The following ALDH8A1 variants were observed in gnomAD, a reference collection of about 807,000 sequenced individuals.
The protein encoded by ALDH8A1 is 2-aminomuconic semialdehyde dehydrogenase.
In ALDH8A1, 39 loss-of-function variants were observed where a neutral mutation model predicts 43.3. The observed-to-expected ratio is 0.90, with a 90% CI of 0.70 to 1.18. The LOEUF (loss-of-function observed/expected upper bound fraction) is 1.18. Ranked by LOEUF, ALDH8A1 falls within the 50% of genes most tolerant of loss-of-function variation. The pLI, the probability that ALDH8A1 is intolerant of heterozygous loss-of-function variation, is 0.00. For missense variants in ALDH8A1, 605 were observed against 622.6 expected (o/e 0.97, Z 0.30); for synonymous variants, 233 against 243.5 (o/e 0.96, Z 0.40).
chr6:134,923,352 A>G (rs1340786478), intron 6 of ALDH8A1, among the ~76,000 whole-genome samples: 1 of 152,052 alleles, frequency 6.6e-6, no homozygotes, highest in Non-Finnish European at 1.5e-5. Context: ...AAAAAAAAGA[A>G]AGAAAAATTG....
At chr6:134,921,937 C>T (rs548019156) in intron 6 of ALDH8A1, among the ~76,000 whole-genome samples, 1 of 152,370 alleles carries the variant, frequency 6.6e-6, no homozygotes, top group South Asian at 2.1e-4. Flanking sequence ...TTTCTATTAG[C>T]TCTCTCCCAA....
At chr6:134,930,602 G>T (rs1776968975) in intron 5 of ALDH8A1, among the ~76,000 whole-genome samples, 1 of 152,188 alleles carries the variant, frequency 6.6e-6, no homozygotes, top group South Asian at 2.1e-4. Flanking sequence ...TTAATGTTTT[G>T]AAATAACACA....
rs188914900 is a variant in ALDH8A1 at position 134,949,381 on chromosome 6, T to C, written c.138+535A>G. On this transcript the variant is annotated intron_variant, in intron 1 of 6. Coordinates refer to ENST00000265605, the MANE Select transcript of ALDH8A1 (RefSeq NM_022568.4). ...ACGCTGTTAAATCTAACTCCAAAAA[T>C]ATATGGGAATTTGATTTTGAGTTTC... Among the ~76,000 whole-genome samples, 588 of 152,294 alleles carry C rather than the reference T, an allele frequency of 3.9e-3. 3 individuals are homozygous for C. Among genetic ancestry groups the C allele is most frequent in the African/African-American group, 0.013 (527 of 41,582 alleles).
rs187617576 is a variant in ALDH8A1, at chr6:134,928,656, A to G, written c.1011+398T>C. Among the ~76,000 whole-genome samples the G allele has an allele frequency of 2.7e-3, 418 of 152,324 alleles. 1 individual carries two copies. The highest frequency in any genetic ancestry group is 3.6e-3 in the Non-Finnish European group (242 of 68,032). ...TCCCCCACTGACTAAGGACGACACA[A>G]TTGGGACTGTTTGTGTTGGCACTTC... On this transcript the variant is annotated intron_variant, in intron 6 of 6. Coordinates refer to ENST00000265605, the MANE Select transcript of ALDH8A1 (RefSeq NM_022568.4).
At chr6:134,941,768 C>T (rs922376698) in intron 3 of ALDH8A1, among the ~76,000 whole-genome samples, 5 of 151,998 alleles carry the variant, frequency 3.3e-5, no homozygotes, top group Admixed American at 2.6e-4. Flanking sequence ...GATGATCCTT[C>T]TGCCTCAGCC....
chr6:134,921,000 TA>T (rs1165270979), intron 6 of ALDH8A1, among the ~76,000 whole-genome samples: 2 of 152,216 alleles, frequency 1.3e-5, no homozygotes, highest in African/African-American at 4.8e-5. Context: ...CACTAATTCA[TA>T]GGGCTCTTGA....
At chr6:134,944,060 T>TTTTCG in intron 1 of ALDH8A1, 94 bp from the exon 2 acceptor site, 1 of 1,297,264 alleles carries the variant, frequency 7.7e-7, no homozygotes, top group Non-Finnish European at 1.0e-6. Flanking sequence ...ACACACCTCA[T>TTTTCG]TTTTGTTTTG....
At chr6:134,944,880 C>A (rs7776066) in intron 1 of ALDH8A1, among the ~76,000 whole-genome samples, 4,921 of 150,080 alleles carry the variant, frequency 0.033, 264 homozygotes, top group African/African-American at 0.11. Context: ...CAGAGTAAGA[C>A]CCTGTCTCAA....
intron 6 of ALDH8A1, among the ~76,000 whole-genome samples, chr6:134,922,508 C>T (rs571809450): frequency 1.8e-4 from 27 of 152,180 alleles, no homozygotes; most frequent in Middle Eastern, 6.8e-3. Flanking sequence ...CTGCCTCAGC[C>T]TCCCGAGTAG....
rs576889390 is a variant in ALDH8A1, at chr6:134,928,983, G to A, written c.1011+71C>T. The A allele has an allele frequency of 8.6e-6, 13 of 1,517,078 alleles. No homozygotes were observed. The African/African-American group carries it at 1.1e-4, about 13-fold the overall frequency. 94.0% of individuals were successfully genotyped at this position (1,517,078 alleles called of 1,614,324 possible). ...TAACAATATTTCAGAGTCTGATTGTGCTATGCCTGTACTGAGCTTCTCTTC... is the reference window on the plus strand; with the variant it reads ...TAACAATATTTCAGAGTCTGATTGTACTATGCCTGTACTGAGCTTCTCTTC... On this transcript the variant is annotated intron_variant, in intron 6 of 6. Coordinates refer to ENST00000265605, the MANE Select transcript of ALDH8A1 (RefSeq NM_022568.4).
intron 1 of ALDH8A1, among the ~76,000 whole-genome samples, chr6:134,945,092 ATTATAT>A (rs1278426288): frequency 2.6e-5 from 4 of 151,982 alleles, no homozygotes; most frequent in African/African-American, 9.7e-5. Context: ...GAAATGACTA[ATTATAT>A]TTATAATTTA....
At chr6:134,939,619 C>G (rs1773816383) in intron 3 of ALDH8A1, among the ~76,000 whole-genome samples, 1 of 152,212 alleles carries the variant, frequency 6.6e-6, no homozygotes, top group African/African-American at 2.4e-5. Context: ...TCTTTTAAAA[C>G]AGAGTAAAGT....
At chr6:134,946,788 G>GCATGTGTGCGCGCACA (rs1773959770) in intron 1 of ALDH8A1, among the ~76,000 whole-genome samples, 2 of 148,470 alleles carry the variant, frequency 1.3e-5, no homozygotes, top group East Asian at 1.9e-4. Context: ...GTGCGCGCGC[G>GCATGTGTGCGCGCACA]CACAGGTGCG....
At position 134,929,074 on chromosome 6, in the gene ALDH8A1, T is replaced by C; in HGVS notation, c.991A>G (p.Ser331Gly). 1 of 1,614,040 alleles carries C rather than the reference T, an allele frequency of 6.2e-7. No homozygotes were observed. The highest frequency in any genetic ancestry group is 8.5e-7 in the Non-Finnish European group (1 of 1,180,012). The change falls in exon 6 of 7, where the codon AGT (serine) becomes GGT (glycine). Residue 331 changes from serine (S) to glycine (G), a missense_variant. Transcript: ENST00000265605. ...CTTACTTTCTCCAAATGTGCTTTACTTATCAGAGCACCTATGCTCACCAGT... is the reference window on the plus strand; with the variant it reads ...CTTACTTTCTCCAAATGTGCTTTACCTATCAGAGCACCTATGCTCACCAGT... ...DPLVSIGALI[S>G]KAHLEKVRSY...
intron 1 of ALDH8A1, among the ~76,000 whole-genome samples, chr6:134,945,497 T>C (rs1773934775): frequency 6.6e-6 from 1 of 152,184 alleles, no homozygotes; most frequent in South Asian, 2.1e-4. Context: ...AAATGTTATG[T>C]AGACAAAATA....
At chr6:134,942,007 G>A (rs1036505895) in intron 3 of ALDH8A1, among the ~76,000 whole-genome samples, 1 of 151,962 alleles carries the variant, frequency 6.6e-6, no homozygotes, top group African/African-American at 2.4e-5. Flanking sequence ...ATAACTTGAG[G>A]TCAGGAGTTT....
chr6:134,927,641 T>C (rs1776908256), intron 6 of ALDH8A1, among the ~76,000 whole-genome samples: 1 of 151,988 alleles, frequency 6.6e-6, no homozygotes, highest in African/African-American at 2.4e-5. Flanking sequence ...GCGACTAAAA[T>C]AGAAAAAAAA....
At chr6:134,929,545 G>A (rs746728462) in intron 5 of ALDH8A1, among the ~76,000 whole-genome samples, 2 of 152,124 alleles carry the variant, frequency 1.3e-5, no homozygotes, top group Non-Finnish European at 2.9e-5. Flanking sequence ...TGCAAAGAGG[G>A]GATATTTGCA....
At chr6:134,939,176 G>A in intron 4 of ALDH8A1, 90 bp downstream of exon 4, 1 of 1,541,060 alleles carries the variant, frequency 6.5e-7, no homozygotes, top group Non-Finnish European at 8.8e-7. Context: ...GATGTCACTG[G>A]AATCGATTGT....
Sources: allele counts gnomAD v4.1 joint callset (sites outside exome capture counted in the v4.1 genomes callset), GRCh38; gene constraint gnomAD v4.1.1; transcripts MANE v1.5; gene names NCBI Gene and HGNC (gene_info 2026-07-23, HGNC 2026-07-21).